DOCK3: variants seen among roughly 807,000 people sequenced by gnomAD.
The protein encoded by DOCK3 is dedicator of cytokinesis protein 3.
A neutral mutation model predicts 265.6 loss-of-function variants in DOCK3; 60 were observed. That is an observed-to-expected ratio of 0.23 (90% CI 0.18 to 0.28). DOCK3 has a LOEUF of 0.28. Ranked by LOEUF, DOCK3 falls within the 10% of genes least tolerant of loss-of-function variation. The pLI, the probability that DOCK3 is intolerant of heterozygous loss-of-function variation, is 1.00. For missense variants in DOCK3, 1,981 were observed against 2,594.3 expected (o/e 0.76, Z 5.14); for synonymous variants, 881 against 938.0 (o/e 0.94, Z 1.11).
intron 19 of DOCK3, among the ~76,000 whole-genome samples, chr3:51,232,343 C>T (rs1467018091): frequency 6.6e-6 from 1 of 152,110 alleles, no homozygotes; most frequent in African/African-American, 2.4e-5. Context: ...TATGCATGTG[C>T]GTGTATCTTT....
Position 51,312,883 on chromosome 3 carries a change from C to G in DOCK3, c.3234C>G (p.Phe1078Leu). Residue 1078 changes from phenylalanine (F) to leucine (L), a missense_variant, in exon 31 of 53, where the codon TTC becomes TTG. Transcript: ENST00000266037. ...GTGTAATGATGGCCTATGAACTGTTCAGCATGTGGCAGAATTTGGGTAGGT... is the reference window on the plus strand; with the variant it reads ...GTGTAATGATGGCCTATGAACTGTTGAGCATGTGGCAGAATTTGGGTAGGT... ...DMRVMMAYEL[F>L]SMWQNLGEHK... 1 of 1,609,196 alleles carries G rather than the reference C, an allele frequency of 6.2e-7. No homozygotes were observed. Among genetic ancestry groups the G allele is most frequent in the Non-Finnish European group, 8.5e-7 (1 of 1,177,636 alleles).
intron 5 of DOCK3, among the ~76,000 whole-genome samples, chr3:51,049,004 C>T (rs1230149975): frequency 6.6e-6 from 1 of 152,148 alleles, no homozygotes; most frequent in Non-Finnish European, 1.5e-5. Flanking sequence ...GGCTTTCGGT[C>T]TCTACTTACA....
At chr3:51,083,966 A>G (rs1003448073) in intron 7 of DOCK3, among the ~76,000 whole-genome samples, 3 of 152,202 alleles carry the variant, frequency 2.0e-5, no homozygotes, top group African/African-American at 7.2e-5. Context: ...CCTGGGCGAC[A>G]GAGCGAGACT....
At chr3:50,893,294 C>A in intron 4 of DOCK3, 3 of 272,092 alleles carry the variant, frequency 1.1e-5, no homozygotes, top group East Asian at 1.3e-4. Context: ...GAATTGCCCT[C>A]AAGACAACTC....
chr3:51,111,773 C>A (rs1258662189), intron 9 of DOCK3, among the ~76,000 whole-genome samples: 1 of 152,170 alleles, frequency 6.6e-6, no homozygotes, highest in Non-Finnish European at 1.5e-5. Context: ...AGTAAACAGA[C>A]AACCTACAGA....
intron 49 of DOCK3, among the ~76,000 whole-genome samples, chr3:51,364,542 G>T (rs1576947879): frequency 6.6e-6 from 1 of 152,140 alleles, no homozygotes; most frequent in Non-Finnish European, 1.5e-5. Flanking sequence ...TGGTGTTTTA[G>T]TCATGAAGTC....
At chr3:50,909,248 G>A (rs529648902) in intron 4 of DOCK3, among the ~76,000 whole-genome samples, 17 of 152,092 alleles carry the variant, frequency 1.1e-4, no homozygotes, top group South Asian at 8.3e-4. Flanking sequence ...GAATTTGATC[G>A]TGTCATCATG....
chr3:50,776,209 T>C (rs2108502043), intron 1 of DOCK3, among the ~76,000 whole-genome samples: 1 of 152,352 alleles, frequency 6.6e-6, no homozygotes, highest in Non-Finnish European at 1.5e-5. Flanking sequence ...CCACCAGCAG[T>C]GTAAAAGTGT....
chr3:50,826,762 G>A (rs1295725549), intron 2 of DOCK3, among the ~76,000 whole-genome samples: 1 of 152,156 alleles, frequency 6.6e-6, no homozygotes, highest in African/African-American at 2.4e-5. Flanking sequence ...TTAAAAATAT[G>A]ATAGCAAGAA....
intron 1 of DOCK3, among the ~76,000 whole-genome samples, chr3:50,749,484 G>A (rs2039652744): frequency 6.6e-6 from 1 of 152,180 alleles, no homozygotes; most frequent in African/African-American, 2.4e-5. Flanking sequence ...GAGCTTATTT[G>A]TTTGGTTTAA....
chr3:51,182,111 G>A (rs2087333169), intron 12 of DOCK3, among the ~76,000 whole-genome samples: 1 of 152,158 alleles, frequency 6.6e-6, no homozygotes, highest in African/African-American at 2.4e-5. Context: ...TCACAGAGAG[G>A]TAGGTGCCTT....
At chr3:51,012,735 C>T (rs892141732) in intron 5 of DOCK3, among the ~76,000 whole-genome samples, 7 of 152,164 alleles carry the variant, frequency 4.6e-5, no homozygotes, top group African/African-American at 1.7e-4. Context: ...TCTTCTGTGT[C>T]GCTCACACTG....
intron 12 of DOCK3, among the ~76,000 whole-genome samples, chr3:51,195,028 T>C (rs1364573702): frequency 2.0e-5 from 3 of 152,062 alleles, no homozygotes; most frequent in Non-Finnish European, 2.9e-5. Context: ...GGTTTCACCA[T>C]GTTGGCCAGG....
intron 5 of DOCK3, among the ~76,000 whole-genome samples, chr3:51,030,366 A>G (rs1012972001): frequency 6.6e-6 from 1 of 152,184 alleles, no homozygotes; most frequent in South Asian, 2.1e-4. Flanking sequence ...AAAATTATAG[A>G]GGCTTTGCAT....
chr3:50,717,646 G>A (rs186875591), intron 1 of DOCK3, among the ~76,000 whole-genome samples: 104 of 152,036 alleles, frequency 6.8e-4, no homozygotes, highest in East Asian at 3.1e-3. Flanking sequence ...AAATTGAGAC[G>A]GAGTCTCACT....
intron 4 of DOCK3, among the ~76,000 whole-genome samples, chr3:50,895,624 T>C (rs985311764): frequency 1.3e-5 from 2 of 152,114 alleles, no homozygotes; most frequent in Admixed American, 6.6e-5. Context: ...CATCAACCCG[T>C]CATCAACATT....
chr3:51,004,259 T>C (rs1482321069), intron 5 of DOCK3, among the ~76,000 whole-genome samples: 2 of 152,126 alleles, frequency 1.3e-5, no homozygotes, highest in Non-Finnish European at 2.9e-5. Flanking sequence ...TACCACGTTG[T>C]GAGGCAAGCT....
At chr3:51,071,970 C>A (rs1351705194) in intron 6 of DOCK3, among the ~76,000 whole-genome samples, 1 of 152,144 alleles carries the variant, frequency 6.6e-6, no homozygotes, top group Non-Finnish European at 1.5e-5. Flanking sequence ...GTAGGAGGAA[C>A]TCTTTTTGGT....
At chr3:51,258,519 T>C (rs1374929444) in intron 22 of DOCK3, among the ~76,000 whole-genome samples, 1 of 152,196 alleles carries the variant, frequency 6.6e-6, no homozygotes, top group Admixed American at 6.5e-5. Flanking sequence ...TTCTTTTTTT[T>C]TGGAGACGGA....
Sources: allele counts gnomAD v4.1 joint callset (sites outside exome capture counted in the v4.1 genomes callset), GRCh38; gene constraint gnomAD v4.1.1; transcripts MANE v1.5; gene names NCBI Gene and HGNC (gene_info 2026-07-23, HGNC 2026-07-21).